TMEM208: variants seen among roughly 807,000 people sequenced by gnomAD.
TMEM208 encodes transmembrane protein 208, also known as SRP-independent targeting 2 homolog.
Under a neutral mutation model 26.4 loss-of-function variants are expected in TMEM208, and 19 were observed. The observed-to-expected ratio is 0.72, with a 90% CI of 0.50 to 1.06. The LOEUF (loss-of-function observed/expected upper bound fraction) is 1.06. Ranked by LOEUF, TMEM208 falls within the 50% of genes least tolerant of loss-of-function variation. TMEM208 has a pLI of 0.00. For missense variants in TMEM208, 183 were observed against 219.8 expected (o/e 0.83, Z 1.06); for synonymous variants, 93 against 83.1 (o/e 1.12, Z -0.65).
At position 67,228,566 on chromosome 16, in the gene TMEM208, G is replaced by A. The variant is rs764209424; in HGVS notation, c.234G>A (p.Ala78=). ...CTATGAGCTCGATGGCACGAGCAGC[G>A]TTCTCTGAGGATGGGGCCCTGATGG... ...YHSMSSMARA[A]FSEDGALMDG... Residue 78 remains alanine, a synonymous_variant, in exon 4 of 6, where the codon GCG becomes GCA. Transcript: ENST00000304800. The A allele has an allele frequency of 5.9e-5, 95 of 1,608,478 alleles. 1 individual carries two copies. Among genetic ancestry groups the A allele is most frequent in the Middle Eastern group, 5.0e-4 (3 of 6,042 alleles).
intron 4 of TMEM208, 47 bp from the exon 5 acceptor site, chr16:67,228,750 G>A (rs763502199): frequency 5.1e-6 from 8 of 1,583,604 alleles, no homozygotes; most frequent in Non-Finnish European, 6.0e-6. Flanking sequence ...CTTGAAAAGG[G>A]TGGAAGGGCC....
At chr16:67,228,909 A>G (rs373553754) in intron 5 of TMEM208, 28 bp downstream of exon 5, 24 of 1,613,008 alleles carry the variant, frequency 1.5e-5, no homozygotes, top group Non-Finnish European at 2.0e-5. Context: ...GCTCCCAAGA[A>G]GGGGCATCTA....
chr16:67,227,731 C>A, intron 1 of TMEM208, 105 bp from the exon 2 acceptor site: 2 of 883,356 alleles, frequency 2.3e-6, no homozygotes, highest in South Asian at 1.7e-5. Flanking sequence ...TTCTGCACTA[C>A]GGGGACCTGG....
Position 67,227,858 on chromosome 16 carries a change from G to T in TMEM208, c.29G>T (p.Arg10Ile). The change falls in exon 2 of 6, where the codon AGA (arginine) becomes ATA (isoleucine). Residue 10 changes from arginine (R) to isoleucine (I), a missense_variant. By Grantham distance (97) the Arg-to-Ile change is moderately conservative. Transcript: ENST00000304800. MAPKGKVGT[R>I]GKKQIFEENR... ...CAGCCCAAGGGCAAAGTGGGCACGA[G>T]AGGGAAGAAGCAGATATTTGAAGAG... The T allele has an allele frequency of 6.2e-7, 1 of 1,610,740 alleles. No homozygotes were observed. Among genetic ancestry groups the T allele is most frequent in the South Asian group, 1.1e-5 (1 of 90,184 alleles).
Position 67,227,226 on chromosome 16 carries a change from TAAG to T in TMEM208, c.6+3_6+5del. 6.2e-7 allele frequency: 1 copy of T among 1,611,584 alleles called. No individual in the cohort carries two copies. On this transcript the variant is annotated splice_donor_5th_base_variant and intron_variant, in intron 1 of 5. Coordinates refer to ENST00000304800, the MANE Select transcript of TMEM208 (RefSeq NM_014187.4). Reference sequence around the variant, plus strand: ...GGGTATTTGCCTCGCACCATGGCGGTAAGGAGGATGGATAGGGCGGGGTCCGCA... The same window carrying T: ...GGGTATTTGCCTCGCACCATGGCGGTGAGGATGGATAGGGCGGGGTCCGCA...
At chr16:67,227,461 TG>T (rs1456451418) in intron 1 of TMEM208, among the ~76,000 whole-genome samples, 8 of 152,098 alleles carry the variant, frequency 5.3e-5, no homozygotes, top group Admixed American at 5.2e-4. Flanking sequence ...TGACCTGAGG[TG>T]GGGGTTAACC....
Position 67,227,156 on chromosome 16 carries a change from G to T in TMEM208, c.-63G>T. ...GAAGTGCATGAGCTGCCGATGTGGT[G>T]CTTAGTGATTGCGGTTTCGGTCGCT... On this transcript the variant is annotated 5_prime_UTR_variant, in exon 1 of 6. Transcript: ENST00000304800. 6.2e-7 allele frequency: 1 copy of T among 1,606,076 alleles called. No homozygotes were observed. The highest frequency in any genetic ancestry group is 1.3e-5 in the African/African-American group (1 of 74,982).
At chr16:67,227,982 T>C in intron 2 of TMEM208, 51 bp downstream of exon 2, 1 of 1,441,080 alleles carries the variant, frequency 6.9e-7, no homozygotes. Flanking sequence ...AGTTCCCTAG[T>C]CCTCAGCCCT....
Position 67,227,156 on chromosome 16 carries a change from G to A in TMEM208, c.-63G>A, listed in dbSNP as rs2034049647. The A allele has an allele frequency of 6.2e-7, 1 of 1,605,958 alleles. No homozygotes were observed. The highest frequency in any genetic ancestry group is 1.3e-5 in the African/African-American group (1 of 74,860). The stretch of plus-strand genomic sequence containing the variant: ...GAAGTGCATGAGCTGCCGATGTGGT[G>A]CTTAGTGATTGCGGTTTCGGTCGCT... On this transcript the variant is annotated 5_prime_UTR_variant, in exon 1 of 6. Transcript: ENST00000304800.
At chr16:67,227,478 C>T (rs1242338005) in intron 1 of TMEM208, 6 of 570,820 alleles carry the variant, frequency 1.1e-5, no homozygotes, top group Non-Finnish European at 1.8e-5. Context: ...TAACCCAGAT[C>T]GGGACTACGC....
rs765424260 is a variant in TMEM208, at chr16:67,228,629, AGAGT to A, written c.299+4_299+7del. On this transcript the variant is annotated splice_donor_variant and coding_sequence_variant, in exon 4 of 6. Transcript: ENST00000304800. LOFTEE classifies it high-confidence loss of function. ...ACCTCAACATGGAGCAGGGCATGGCAGAGTGAGTGTCCCCCACCGCCAGCCCAGG... is the reference window on the plus strand; with the variant it reads ...ACCTCAACATGGAGCAGGGCATGGCAGAGTGTCCCCCACCGCCAGCCCAGG... 5.1e-6 allele frequency: 8 copies of A among 1,563,812 alleles called. No individual in the cohort carries two copies. Among genetic ancestry groups the A allele is most frequent in the South Asian group, 3.6e-5 (3 of 83,388 alleles).
chr16:67,227,985 T>C (rs1003123024), intron 2 of TMEM208, 54 bp downstream of exon 2: 37 of 1,429,714 alleles, frequency 2.6e-5, no homozygotes, highest in Admixed American at 6.5e-5. Flanking sequence ...TCCCTAGTCC[T>C]CAGCCCTGCT....
Position 67,228,480 on chromosome 16 carries a change from A to C in TMEM208, c.163-15A>C. ...TCAGTGGCTGGCCTTTGATACCCTC[A>C]TTCTTGCTCTGCAGTTGGCCCTGGG... On this transcript the variant is annotated splice_polypyrimidine_tract_variant and intron_variant, in intron 3 of 5. Transcript: ENST00000304800. The C allele has an allele frequency of 6.2e-7, 1 of 1,613,870 alleles. No homozygotes were observed. Among genetic ancestry groups the C allele is most frequent in the Non-Finnish European group, 8.5e-7 (1 of 1,179,836 alleles).
At position 67,228,389 on chromosome 16, in the gene TMEM208, A is replaced by C. The variant is rs758653249; in HGVS notation, c.137A>C (p.Tyr46Ser). The change falls in exon 3 of 6, where the codon TAC (tyrosine) becomes TCC (serine). Residue 46 changes from tyrosine to serine, a missense_variant. Tyr to Ser is a moderately radical substitution (Grantham distance 144, BLOSUM62 -2). Coordinates refer to ENST00000304800, the MANE Select transcript of TMEM208 (RefSeq NM_014187.4). Reference sequence around the variant, plus strand: ...TGCCTTGTGACGTTGGTCTTCTTTTACTCATCTGCCTCATTTTGGGCCTGG... The same window carrying C: ...TGCCTTGTGACGTTGGTCTTCTTTTCCTCATCTGCCTCATTTTGGGCCTGG... The part of the protein sequence containing the change: ...IYCLVTLVFF[Y>S]SSASFWAWLA... The C allele has an allele frequency of 6.2e-7, 1 of 1,613,682 alleles. No homozygotes were observed. The highest frequency in any genetic ancestry group is 1.3e-5 in the African/African-American group (1 of 74,822).
intron 1 of TMEM208, chr16:67,227,529 G>C: frequency 1.8e-6 from 1 of 561,506 alleles, no homozygotes; most frequent in Non-Finnish European, 3.1e-6. Context: ...CTCCGCTCAG[G>C]AGTACCCTTG....
Position 67,227,187 on chromosome 16 carries a change from G to C in TMEM208, c.-32G>C. ...TGATTGCGGTTTCGGTCGCTCTCCC[G>C]TGTTTCCCGGGCTGGGTATTTGCCT... On this transcript the variant is annotated 5_prime_UTR_variant, in exon 1 of 6. Coordinates refer to ENST00000304800, the MANE Select transcript of TMEM208 (RefSeq NM_014187.4). 1 of 1,611,008 alleles carries C rather than the reference G, an allele frequency of 6.2e-7. No homozygotes were observed. Among genetic ancestry groups the C allele is most frequent in the East Asian group, 2.2e-5 (1 of 44,822 alleles).
Position 67,228,897 on chromosome 16 carries a change from G to A in TMEM208, c.384+16G>A. 6.2e-7 allele frequency: 1 copy of A among 1,613,490 alleles called. No individual in the cohort carries two copies. Among genetic ancestry groups the A allele is most frequent in the Non-Finnish European group, 8.5e-7 (1 of 1,179,752 alleles). On this transcript the variant is annotated intron_variant, in intron 5 of 5. Coordinates refer to ENST00000304800, the MANE Select transcript of TMEM208 (RefSeq NM_014187.4). ...CTGGCTTCTGGTATGTGGGCTGGGG[G>A]CGCTCCCAAGAAGGGGCATCTAACC...
intron 2 of TMEM208, 45 bp downstream of exon 2, chr16:67,227,976 C>T (rs745627742): frequency 4.0e-6 from 6 of 1,481,708 alleles, no homozygotes; most frequent in East Asian, 4.8e-5. Context: ...ATAGTCAGTT[C>T]CCTAGTCCTC....
chr16:67,228,946 T>C (rs1330709901), intron 5 of TMEM208, 30 bp from the exon 6 acceptor site: 1 of 1,610,566 alleles, frequency 6.2e-7, no homozygotes, highest in Non-Finnish European at 8.5e-7. Context: ...ATTCCCTGCA[T>C]CTTGCTTCAA....
Sources: gnomAD v4.1 joint callset for allele counts (sites outside exome capture counted in the v4.1 genomes callset) on GRCh38, gnomAD v4.1.1 for gene constraint, MANE v1.5 for transcripts, NCBI Gene and HGNC (gene_info 2026-07-23, HGNC 2026-07-21) for gene names.